PSD3: variants seen among roughly 807,000 people sequenced by gnomAD.
The protein encoded by PSD3 is PH and SEC7 domain-containing protein 3.
Under a neutral mutation model 105.5 loss-of-function variants are expected in PSD3, and 49 were observed. That is an observed-to-expected ratio of 0.46 (90% CI 0.37 to 0.59). The LOEUF is 0.59. PSD3 is among the 20% of genes least tolerant of loss of function. PSD3 has a pLI of 0.00. For synonymous variants in PSD3, 557 were observed against 457.8 expected (o/e 1.22, Z -2.77); for missense variants, 1,561 against 1,263.8 (o/e 1.24, Z -3.57).
intron 4 of PSD3, among the ~76,000 whole-genome samples, chr8:18,848,013 G>T (rs1485529965): frequency 6.6e-6 from 1 of 152,124 alleles, no homozygotes; most frequent in Non-Finnish European, 1.5e-5. Flanking sequence ...TGCAAAGGCA[G>T]GGAAGAGAAA....
intron 9 of PSD3, among the ~76,000 whole-genome samples, chr8:18,688,391 C>T (rs932062553): frequency 1.3e-5 from 2 of 152,198 alleles, no homozygotes; most frequent in Non-Finnish European, 2.9e-5. Context: ...GCCACTGTGC[C>T]TGGCCTTCTT....
chr8:18,880,522 C>G (rs1395070527), intron 2 of PSD3, among the ~76,000 whole-genome samples: 1 of 152,136 alleles, frequency 6.6e-6, no homozygotes, highest in Non-Finnish European at 1.5e-5. Context: ...AGTGCTAGAG[C>G]CAGAACAAAG....
rs1340892027 is a variant in PSD3, at chr8:18,821,553, A to C, written c.1635-16655T>G. ...ACAAGCTCTTGAGTTTTTCCTAACA[A>C]AACTGAATAATATTGTTTCTCATTT... On this transcript the variant is annotated intron_variant, in intron 4 of 15. Coordinates refer to ENST00000327040, the MANE Select transcript of PSD3 (RefSeq NM_015310.4). Among the ~76,000 whole-genome samples the C allele has an allele frequency of 1.4e-4, 21 of 152,024 alleles. 1 individual carries two copies. The highest frequency in any genetic ancestry group is 8.8e-5 in the Non-Finnish European group (6 of 68,036).
rs538669810 is a variant in PSD3 at position 19,006,224 on chromosome 8, C to T, written c.21+7339G>A. The stretch of plus-strand genomic sequence containing the variant: ...AGGAGAATCACTTGAACCCGGGAGG[C>T]GGGGGTTGCAGTGAGCCGAGATCAC... On this transcript the variant is annotated intron_variant, in intron 1 of 15. Coordinates refer to ENST00000327040, the MANE Select transcript of PSD3 (RefSeq NM_015310.4). Among the ~76,000 whole-genome samples, 19 of 137,406 alleles carry T rather than the reference C, an allele frequency of 1.4e-4. No homozygotes were observed. The East Asian group carries it at 4.0e-3, about 29-fold the overall frequency. The allele number at this position is 137,406 out of a possible 152,430, so 90.1% of individuals were successfully genotyped here. A position where few individuals can be genotyped will look rare whatever the true frequency, so the allele number is the denominator to read the frequency against.
chr8:18,808,950 T>C, intron 4 of PSD3: 1 of 1,440,016 alleles, frequency 6.9e-7, no homozygotes. Context: ...GAGTGTTCAT[T>C]GTTGCGGTTT....
intron 12 of PSD3, among the ~76,000 whole-genome samples, chr8:18,577,603 A>T (rs1450862770): frequency 1.7e-5 from 1 of 57,470 alleles, no homozygotes; most frequent in African/African-American, 5.3e-5. Flanking sequence ...TATTACTTAA[A>T]ATGTTCTTCT....
At position 18,579,015 on chromosome 8, in the gene PSD3, A is replaced by G. The variant is rs111560948; in HGVS notation, c.2482-3730T>C. Among the ~76,000 whole-genome samples, 462 of 151,794 alleles carry G rather than the reference A, an allele frequency of 3.0e-3. 2 individuals are homozygous for G. Among genetic ancestry groups the G allele is most frequent in the African/African-American group, 0.011 (448 of 41,418 alleles). ...TTCTAGTTGATAATACAATTTTACC[A>G]TTTTTTCTTAAAAAGGCAAAATGCA... is the stretch of plus-strand genomic sequence containing the variant. On this transcript the variant is annotated intron_variant, in intron 12 of 15. Coordinates refer to ENST00000327040, the MANE Select transcript of PSD3 (RefSeq NM_015310.4).
chr8:18,533,884 C>T lies in PSD3; in HGVS notation c.*1859G>A, dbSNP rs950384569. ...CAGTTCTGAAACATAAACTTAGTTA[C>T]TGCCTTTACCCAAACAAGGCAGAGA... is the stretch of plus-strand genomic sequence containing the variant. On this transcript the variant is annotated 3_prime_UTR_variant, in exon 16 of 16. Transcript: ENST00000327040. 6.6e-6 allele frequency: 1 copy of T among 151,284 alleles called. No individual in the cohort carries two copies. The highest frequency in any genetic ancestry group is 1.9e-4 in the East Asian group (1 of 5,132). 9.4% of individuals were successfully genotyped at this position (151,284 alleles called of 1,614,324 possible). A position where few individuals can be genotyped will look rare whatever the true frequency, so the allele number is the denominator to read the frequency against.
chr8:18,799,647 G>C (rs112646223), intron 7 of PSD3, among the ~76,000 whole-genome samples: 2 of 152,128 alleles, frequency 1.3e-5, no homozygotes, highest in African/African-American at 4.8e-5. Context: ...GGCTTCTAGG[G>C]CTTTGCACTA....
chr8:18,777,912 G>A (rs1808250727), intron 8 of PSD3, among the ~76,000 whole-genome samples: 2 of 152,042 alleles, frequency 1.3e-5, no homozygotes, highest in South Asian at 4.1e-4. Context: ...GTCTTTCAAT[G>A]CCTGACTTAC....
At chr8:18,636,192 C>A (rs144921307) in intron 10 of PSD3, among the ~76,000 whole-genome samples, 5 of 152,116 alleles carry the variant, frequency 3.3e-5, no homozygotes, top group African/African-American at 4.8e-5. Context: ...CCTAAGCCAG[C>A]GTGTGTATTT....
chr8:18,967,232 G>A (rs1021714468), intron 1 of PSD3, among the ~76,000 whole-genome samples: 14 of 150,810 alleles, frequency 9.3e-5, no homozygotes, highest in African/African-American at 2.9e-4. Flanking sequence ...CTTGGCTCAC[G>A]GCAACCCCTG....
At chr8:18,966,073 C>G (rs962285924) in intron 1 of PSD3, among the ~76,000 whole-genome samples, 2 of 152,146 alleles carry the variant, frequency 1.3e-5, no homozygotes, top group Non-Finnish European at 2.9e-5. Flanking sequence ...ATAACTTTTC[C>G]CAGGATTACA....
intron 1 of PSD3, among the ~76,000 whole-genome samples, chr8:19,080,613 TG>T (rs1238350051): frequency 2.0e-5 from 3 of 152,164 alleles, no homozygotes; most frequent in African/African-American, 7.2e-5. Flanking sequence ...ACAAACCCCC[TG>T]GCTGGCTCCT....
chr8:18,967,478 T>C (rs1175839529), intron 1 of PSD3, among the ~76,000 whole-genome samples: 1 of 152,122 alleles, frequency 6.6e-6, no homozygotes, highest in Non-Finnish European at 1.5e-5. Context: ...AGATTACTAG[T>C]AGTAAAATGC....
intron 1 of PSD3, among the ~76,000 whole-genome samples, chr8:19,043,511 TG>T (rs938800043): frequency 2.0e-5 from 3 of 152,142 alleles, no homozygotes. Context: ...TTAGAGTTGT[TG>T]GGGGAAATAA....
chr8:18,629,197 C>T (rs543491842), intron 11 of PSD3, among the ~76,000 whole-genome samples: 13 of 151,982 alleles, frequency 8.6e-5, no homozygotes, highest in Non-Finnish European at 1.3e-4. Flanking sequence ...CCAGGGGTGT[C>T]GGACGTCATT....
chr8:18,588,547 C>T (rs1051239557), intron 12 of PSD3, among the ~76,000 whole-genome samples: 1 of 151,974 alleles, frequency 6.6e-6, no homozygotes, highest in African/African-American at 2.4e-5. Flanking sequence ...GAACAATAAC[C>T]CATGATTCTA....
intron 9 of PSD3, among the ~76,000 whole-genome samples, chr8:18,718,164 G>A (rs952519589): frequency 3.3e-5 from 5 of 152,128 alleles, no homozygotes; most frequent in Non-Finnish European, 5.9e-5. Context: ...CTACCCTGTC[G>A]CCATTTCCTA....
Sources: allele counts gnomAD v4.1 joint callset (sites outside exome capture counted in the v4.1 genomes callset), GRCh38; gene constraint gnomAD v4.1.1; transcripts MANE v1.5; gene names NCBI Gene and HGNC (gene_info 2026-07-23, HGNC 2026-07-21).